KCNH5: variants seen among roughly 807,000 people sequenced by gnomAD.
The protein encoded by KCNH5 is potassium voltage-gated channel subfamily H member 5.
In KCNH5, 46 loss-of-function variants were observed where a neutral mutation model predicts 96.1. That is an observed-to-expected ratio of 0.48 (90% CI 0.38 to 0.61). The LOEUF (loss-of-function observed/expected upper bound fraction) is 0.61, where lower values mean the gene tolerates loss of function less well. Among genes scored for constraint, KCNH5 ranks in the 20% least tolerant of loss-of-function variants. The pLI, the probability that KCNH5 is intolerant of heterozygous loss-of-function variation, is 0.00. For missense variants in KCNH5, 907 were observed against 1,225.8 expected (o/e 0.74, Z 3.88); for synonymous variants, 439 against 449.8 (o/e 0.98, Z 0.30).
chr14:62,947,984 C>A lies in KCNH5; in HGVS notation c.1369+2149G>T, dbSNP rs191749264. On this transcript the variant is annotated intron_variant, in intron 7 of 10. Transcript: ENST00000322893. The stretch of plus-strand genomic sequence containing the variant: ...CAATGCTATCCCTCCCCTCTCCCCC[C>A]ACCCCACAACAGTCCCCAGAGTGTG... 7.4e-3 allele frequency among the ~76,000 whole-genome samples: 1,119 copies of A among 152,040 alleles called. 10 individuals carry two copies. Among genetic ancestry groups the A allele is most frequent in the African/African-American group, 0.025 (1,054 of 41,424 alleles).
At chr14:62,871,930 GT>G (rs1406838858) in intron 7 of KCNH5, among the ~76,000 whole-genome samples, 1 of 152,166 alleles carries the variant, frequency 6.6e-6, no homozygotes, top group East Asian at 1.9e-4. Context: ...CATCCCTAAG[GT>G]CAGTGAATCC....
chr14:62,757,715 G>A (rs946813559), intron 10 of KCNH5, among the ~76,000 whole-genome samples: 1 of 151,880 alleles, frequency 6.6e-6, no homozygotes, highest in Non-Finnish European at 1.5e-5. Flanking sequence ...AGAAAGACAA[G>A]ATGTTCTCAC....
intron 5 of KCNH5, 141 bp from the exon 6 acceptor site, chr14:62,981,405 T>C (rs1009340579): frequency 1.3e-6 from 1 of 781,234 alleles, no homozygotes; most frequent in East Asian, 2.7e-5. Context: ...GTCCTAAAAT[T>C]TGTTCAGAGG....
chr14:62,915,717 G>C (rs1406048151), intron 7 of KCNH5, among the ~76,000 whole-genome samples: 1 of 152,122 alleles, frequency 6.6e-6, no homozygotes, highest in East Asian at 1.9e-4. Context: ...GTAACAATCA[G>C]TGCTTAAAAA....
intron 10 of KCNH5, among the ~76,000 whole-genome samples, chr14:62,721,497 TCG>T (rs368349838): frequency 1.2e-4 from 6 of 49,094 alleles, no homozygotes; most frequent in South Asian, 1.1e-3. Context: ...TCTCACTCAC[TCG>T]CTCTCTCTCT....
intron 10 of KCNH5, among the ~76,000 whole-genome samples, chr14:62,715,783 G>T (rs1566637054): frequency 6.6e-6 from 1 of 151,748 alleles, no homozygotes; most frequent in Non-Finnish European, 1.5e-5. Flanking sequence ...GAAAAAGGAA[G>T]GAAGGAAAAT....
chr14:62,718,533 T>C (rs993623427), intron 10 of KCNH5, among the ~76,000 whole-genome samples: 2 of 152,168 alleles, frequency 1.3e-5, no homozygotes, highest in Non-Finnish European at 2.9e-5. Flanking sequence ...TCCTCTAGGA[T>C]GGCTGTAGTA....
chr14:62,855,230 T>C (rs1208377311), intron 7 of KCNH5, among the ~76,000 whole-genome samples: 1 of 152,110 alleles, frequency 6.6e-6, no homozygotes, highest in Non-Finnish European at 1.5e-5. Flanking sequence ...TTGATGTGAG[T>C]ATACATTTCT....
At chr14:63,008,516 T>C (rs146412218) in intron 2 of KCNH5, among the ~76,000 whole-genome samples, 1 of 152,062 alleles carries the variant, frequency 6.6e-6, no homozygotes, top group African/African-American at 2.4e-5. Context: ...CAACTAGAAT[T>C]CTAGAAAGTC....
intron 10 of KCNH5, among the ~76,000 whole-genome samples, chr14:62,708,845 T>C (rs1004384094): frequency 6.6e-6 from 1 of 152,204 alleles, no homozygotes; most frequent in Non-Finnish European, 1.5e-5. Context: ...TGTGTATACA[T>C]ATATAAGGAA....
At chr14:62,898,109 TTAAG>T (rs1210431429) in intron 7 of KCNH5, among the ~76,000 whole-genome samples, 1 of 152,180 alleles carries the variant, frequency 6.6e-6, no homozygotes, top group Non-Finnish European at 1.5e-5. Context: ...ATACTTGGTC[TTAAG>T]TATCTTAGAA....
intron 7 of KCNH5, among the ~76,000 whole-genome samples, chr14:62,871,208 T>G (rs1888247294): frequency 6.6e-6 from 1 of 152,162 alleles, no homozygotes; most frequent in Admixed American, 6.5e-5. Context: ...TACAATGGTA[T>G]AAAAGATCAC....
chr14:62,921,486 T>G (rs886812100), intron 7 of KCNH5, among the ~76,000 whole-genome samples: 17 of 152,058 alleles, frequency 1.1e-4, no homozygotes, highest in African/African-American at 3.9e-4. Context: ...CACTATCACC[T>G]AGAAATTGAA....
At chr14:62,997,105 G>A (rs1890918612) in intron 4 of KCNH5, among the ~76,000 whole-genome samples, 1 of 152,118 alleles carries the variant, frequency 6.6e-6, no homozygotes, top group Non-Finnish European at 1.5e-5. Context: ...TTTTGATACA[G>A]GCACGCAATG....
chr14:62,751,528 C>T (rs1320258087), intron 10 of KCNH5, among the ~76,000 whole-genome samples: 2 of 152,208 alleles, frequency 1.3e-5, no homozygotes, highest in East Asian at 3.9e-4. Context: ...TAGCTCCCTT[C>T]TAAGCACTGG....
chr14:63,038,711 C>A (rs1434823428), intron 1 of KCNH5, among the ~76,000 whole-genome samples: 1 of 152,006 alleles, frequency 6.6e-6, no homozygotes, highest in Non-Finnish European at 1.5e-5. Flanking sequence ...CTAAAATACA[C>A]ACTGATCTAT....
intron 10 of KCNH5, among the ~76,000 whole-genome samples, chr14:62,718,812 T>A (rs72728731): frequency 6.6e-6 from 1 of 152,194 alleles, no homozygotes; most frequent in Non-Finnish European, 1.5e-5. Context: ...ACCCACATAT[T>A]CATTAATTGA....
intron 8 of KCNH5, among the ~76,000 whole-genome samples, chr14:62,824,303 C>T (rs758493452): frequency 2.0e-5 from 3 of 151,852 alleles, no homozygotes; most frequent in Admixed American, 6.6e-5. Flanking sequence ...CCCCTAAAGG[C>T]GTTCACTCAT....
chr14:62,857,864 T>C (rs1299843529), intron 7 of KCNH5, among the ~76,000 whole-genome samples: 1 of 152,078 alleles, frequency 6.6e-6, no homozygotes, highest in African/African-American at 2.4e-5. Context: ...TTATTACCCA[T>C]CACAAGTCCA....
Sources: allele counts gnomAD v4.1 joint callset (sites outside exome capture counted in the v4.1 genomes callset), GRCh38; gene constraint gnomAD v4.1.1; transcripts MANE v1.5; gene names NCBI Gene and HGNC (gene_info 2026-07-23, HGNC 2026-07-21).